The following PKD1 variants were observed in gnomAD, a reference collection of about 807,000 sequenced individuals.
PKD1 encodes polycystin-1.
PKD1 carries 81 observed loss-of-function variants against 361.7 expected under a neutral mutation model. The observed-to-expected ratio is 0.22, with a 90% CI of 0.19 to 0.27. The LOEUF is 0.27. PKD1 is among the 10% of genes least tolerant of loss of function. The pLI is 1.00. For missense variants in PKD1, 6,399 were observed against 6,118.3 expected (o/e 1.05, Z -1.53); for synonymous variants, 3,615 against 2,818.3 (o/e 1.28, Z -8.95).
rs1191413154 is a variant in PKD1, at chr16:2,092,601, G to C, written c.11157-9C>G. The stretch of plus-strand genomic sequence containing the variant: ...GCCAGAGCTCCTCAGACCTGCCACA[G>C]CATCAGTCACACGCTCCAGCCCCTA... On this transcript the variant is annotated splice_polypyrimidine_tract_variant and intron_variant, in intron 38 of 45. Coordinates refer to ENST00000262304, the MANE Select transcript of PKD1 (RefSeq NM_001009944.3). 63 of 1,585,982 alleles carry C rather than the reference G, an allele frequency of 4.0e-5. No individual in the cohort carries two copies. Among genetic ancestry groups the C allele is most frequent in the Non-Finnish European group, 5.1e-5 (59 of 1,157,140 alleles).
chr16:2,103,895 C>T lies in PKD1; in HGVS notation c.8162G>A (p.Gly2721Glu), dbSNP rs1460053311. ...AIGDSILNIT[G>E]DLIHLASSDV... ...CGAGCTGGCCAGGTGGATGAGGTCTCCTGCAGACATGCGTGAGGTCAGTGC... is the reference window on the plus strand; with the variant it reads ...CGAGCTGGCCAGGTGGATGAGGTCTTCTGCAGACATGCGTGAGGTCAGTGC... The change falls in exon 23 of 46, where the codon GGA becomes GAA. Residue 2721 changes from glycine to glutamate, a missense_variant and splice_region_variant. By Grantham distance (98) the Gly-to-Glu change is moderately conservative. Transcript: ENST00000262304. The T allele has an allele frequency of 7.0e-6, 11 of 1,580,710 alleles. No individual in the cohort carries two copies. In the African/African-American group the frequency reaches 8.9e-5, roughly 13 times the overall value.
chr16:2,119,765 T>C (rs1596594736), intron 1 of PKD1: 2 of 656,040 alleles, frequency 3.0e-6, no homozygotes, highest in Admixed American at 4.5e-5. Context: ...CCACACAGAC[T>C]CGAGGGGCCC....
chr16:2,105,638 G>A (rs2092311375), intron 20 of PKD1, 164 bp from the exon 21 acceptor site: 12 of 1,519,778 alleles, frequency 7.9e-6, no homozygotes, highest in African/African-American at 2.7e-5. Flanking sequence ...AACAGGGTAA[G>A]CACATGGGCC....
intron 22 of PKD1, among the ~76,000 whole-genome samples, chr16:2,104,232 GAAGAT>G (rs2092237801): frequency 2.5e-5 from 1 of 40,044 alleles, no homozygotes; most frequent in Non-Finnish European, 4.8e-5. Flanking sequence ...GGGGGATGAG[GAAGAT>G]GAGGGGAATG....
rs757619679 is a variant in PKD1, at chr16:2,106,124, T to C, written c.7670A>G (p.Asp2557Gly). The C allele has an allele frequency of 1.5e-5, 24 of 1,605,326 alleles. No individual in the cohort carries two copies. In the East Asian group the frequency reaches 5.4e-4, roughly 36 times the overall value. ...GGCGACCACAGCGGCTCCCAGCTGG[T>C]CCTGCACCACCACGGCCAGGCCCAC... ...FEVGLAVVVQDQLGAAVVALN... is the reference protein window; with the variant it reads ...FEVGLAVVVQGQLGAAVVALN... The change falls in exon 19 of 46, where the codon GAC (aspartate) becomes GGC (glycine). Residue 2557 changes from aspartate (D) to glycine (G), a missense_variant. By Grantham distance (94) the Asp-to-Gly change is moderately conservative (BLOSUM62 -1). Transcript: ENST00000262304. The surrounding 1 kb of genome is among the most constrained non-coding windows in gnomAD (Gnocchi z 6.5).
Position 2,097,393 on chromosome 16 carries a change from T to C in PKD1, c.10331A>G (p.His3444Arg), listed in dbSNP as rs1415478229. ...GCCGTCCTCCTCTGGGCCCAGCCCA[T>C]GGCCCGCCTGGCCCCGTGCCAGCTG... ...LRQLARGQAG[H>R]GLGPEEDGFS... Residue 3444 changes from histidine (H) to arginine (R), a missense_variant, in exon 33 of 46, where the codon CAT (histidine) becomes CGT (arginine). Transcript: ENST00000262304. 4 of 1,610,580 alleles carry C rather than the reference T, an allele frequency of 2.5e-6. No individual in the cohort carries two copies. The highest frequency in any genetic ancestry group is 1.7e-5 in the Admixed American group (1 of 59,970).
intron 34 of PKD1, among the ~76,000 whole-genome samples, chr16:2,095,881 T>G (rs1196372417): frequency 6.6e-6 from 1 of 152,144 alleles, no homozygotes; most frequent in Non-Finnish European, 1.5e-5. Context: ...CTGGTCAGCA[T>G]GTAGTGACTA....
In PKD1 at chr16:2,112,418, C is replaced by A; in HGVS notation, c.3217G>T (p.Glu1073Ter). Residue 1073 changes from glutamate (E) to a stop codon, truncating the protein, a stop_gained, in exon 14 of 46, where the codon GAG becomes TAG. Transcript: ENST00000262304. LOFTEE classifies it high-confidence loss of function. ...GAGGGGTCTGGAACCGGGAAGGACT[C>A]GTTGTACGGAGGCTGGAACTGGTGG... Reference protein sequence around the residue: ...ALHQFQPPYNESFPVPDPSVA... With the variant: ...ALHQFQPPYN 6.3e-7 allele frequency: 1 copy of A among 1,585,068 alleles called. No homozygotes were observed. Among genetic ancestry groups the A allele is most frequent in the Non-Finnish European group, 8.5e-7 (1 of 1,172,358 alleles).
In PKD1 at chr16:2,108,660, C is replaced by T; in HGVS notation, c.6507G>A (p.Leu2169=). ...VLMRRSQRNY[L]EAHVDLRDCV... ...AGTCGCGCAGGTCAACGTGGGCCTCCAAGTAGTTGCGCTGTGATCGCCGCA... is the reference window on the plus strand; with the variant it reads ...AGTCGCGCAGGTCAACGTGGGCCTCTAAGTAGTTGCGCTGTGATCGCCGCA... The change falls in exon 15 of 46, where the codon TTG becomes TTA. Residue 2169 remains leucine (L), a synonymous_variant. Transcript: ENST00000262304. The T allele has an allele frequency of 6.4e-7, 1 of 1,564,534 alleles. No homozygotes were observed.
At position 2,103,228 on chromosome 16, in the gene PKD1, G is replaced by A. The variant is rs542685557; in HGVS notation, c.8791+38C>T. 122 of 1,602,866 alleles carry A rather than the reference G, an allele frequency of 7.6e-5. 4 individuals are homozygous for A. In the South Asian group the frequency reaches 1.2e-3, roughly 16 times the overall value. On this transcript the variant is annotated intron_variant, in intron 23 of 45. Coordinates refer to ENST00000262304, the MANE Select transcript of PKD1 (RefSeq NM_001009944.3). ...AGAAACGCCTTCCCCCCAAGAACAA[G>A]GCCAGGGGGCCGCGTGTGCCCCACC... is the stretch of plus-strand genomic sequence containing the variant.
Position 2,105,391 on chromosome 16 carries a change from A to T in PKD1, c.7947T>A (p.Thr2649=). 6.3e-7 allele frequency: 1 copy of T among 1,585,888 alleles called. No homozygotes were observed. The highest frequency in any genetic ancestry group is 8.5e-7 in the Non-Finnish European group (1 of 1,172,020). Residue 2649 remains threonine, a synonymous_variant, in exon 21 of 46, where the codon ACT becomes ACA. Transcript: ENST00000262304. ...RAQIRKNITE[T]LVSLRVHTVD... Reference sequence around the variant, plus strand: ...CAGTGTGGACCCTCAGGGACACCAGAGTCTCCGTGATGTTCTTGCGTATCT... The same window carrying T: ...CAGTGTGGACCCTCAGGGACACCAGTGTCTCCGTGATGTTCTTGCGTATCT...
At position 2,097,850 on chromosome 16, in the gene PKD1, C is replaced by T. The variant is rs748565516; in HGVS notation, c.10167+18G>A. ...CAGGACCCCCAGCCCAGCCCAGGAC[C>T]CCCAGTAGAGTCCTCACCTCAGCGT... On this transcript the variant is annotated intron_variant, in intron 31 of 45. Coordinates refer to ENST00000262304, the MANE Select transcript of PKD1 (RefSeq NM_001009944.3). 6.2e-6 allele frequency: 10 copies of T among 1,606,210 alleles called. No homozygotes were observed. The highest frequency in any genetic ancestry group is 1.1e-5 in the South Asian group (1 of 90,910).
At position 2,108,395 on chromosome 16, in the gene PKD1, G is replaced by A. The variant is rs2092415013; in HGVS notation, c.6772C>T (p.Pro2258Ser). ...CGGTATGAGCCACCCTCAATGATGG[G>A]CACCAGGCGCTCGGGGGCCACCGTC... is the stretch of plus-strand genomic sequence containing the variant. The part of the protein sequence containing the change: ...NVTVAPERLV[P>S]IIEGGSYRVW... Residue 2258 changes from proline (P) to serine (S), a missense_variant, in exon 15 of 46, where the codon CCC becomes TCC. Pro to Ser is a moderately conservative substitution (Grantham distance 74). Transcript: ENST00000262304. 3 of 1,610,464 alleles carry A rather than the reference G, an allele frequency of 1.9e-6. No individual in the cohort carries two copies. The highest frequency in any genetic ancestry group is 1.7e-5 in the Admixed American group (1 of 60,000).
Position 2,098,375 on chromosome 16 carries a change from AT to A in PKD1, c.10051-392del, listed in dbSNP as rs1245941343. On this transcript the variant is annotated intron_variant, in intron 30 of 45. Transcript: ENST00000262304. ...AGGTGCCTGCCACCATGCCCAGCTA[AT>A]TTTTTGTATTTTTAGTAGAGACGGG... Among the ~76,000 whole-genome samples the A allele has an allele frequency of 2.6e-5, 4 of 151,452 alleles. No individual in the cohort carries two copies. The East Asian group carries it at 7.8e-4, about 30-fold the overall frequency.
chr16:2,088,897 A>T lies in PKD1; in HGVS notation c.*830T>A, dbSNP rs2091282628. ...TGCGCGCGCGCACACACACACACAC[A>T]CAGTCACCTTCCTCCACCCTGGGAG... is the stretch of plus-strand genomic sequence containing the variant. On this transcript the variant is annotated 3_prime_UTR_variant, in exon 46 of 46. Coordinates refer to ENST00000262304, the MANE Select transcript of PKD1 (RefSeq NM_001009944.3). 2.3e-6 allele frequency: 1 copy of T among 426,030 alleles called. No homozygotes were observed. The highest frequency in any genetic ancestry group is 4.3e-6 in the Non-Finnish European group (1 of 231,104). 26.4% of individuals were successfully genotyped at this position (426,030 alleles called of 1,614,324 possible).
chr16:2,123,323 C>A (rs1458839411), intron 1 of PKD1: 1 of 343,936 alleles, frequency 2.9e-6, no homozygotes, highest in African/African-American at 2.2e-5. Flanking sequence ...CAGGTGCAGT[C>A]CCCCAGCCCC....
At position 2,105,993 on chromosome 16, in the gene PKD1, C is replaced by T. The variant is rs771135962; in HGVS notation, c.7735G>A (p.Gly2579Ser). The T allele has an allele frequency of 2.2e-5, 36 of 1,604,018 alleles. No individual in the cohort carries two copies. Among genetic ancestry groups the T allele is most frequent in the South Asian group, 8.8e-5 (8 of 90,996 alleles). ...CAGACTGTGAGCCCCGTTGCGCTGC[C>T]GTTGGGCTCTGGGAGGGTGATGGCC... is the stretch of plus-strand genomic sequence containing the variant. ...SLAITLPEPN[G>S]SATGLTVWLH... is the part of the protein sequence containing the mutation. Residue 2579 changes from glycine (G) to serine (S), a missense_variant, in exon 20 of 46, where the codon GGC (glycine) becomes AGC (serine). By Grantham distance (56) the Gly-to-Ser change is moderately conservative. Coordinates refer to ENST00000262304, the MANE Select transcript of PKD1 (RefSeq NM_001009944.3).
chr16:2,089,848 G>C lies in PKD1; in HGVS notation c.12791C>G (p.Pro4264Arg), dbSNP rs752085023. 14 of 1,606,924 alleles carry C rather than the reference G, an allele frequency of 8.7e-6. No individual in the cohort carries two copies. The highest frequency in any genetic ancestry group is 1.2e-5 in the Non-Finnish European group (14 of 1,177,610). ...GCTGGGCAGTGCTGGCCGCAGGCCC[G>C]GGGATGGGCCACGGGAAGATCCGGC... ...APAGSSRGPS[P>R]GLRPALPSRL... Residue 4264 changes from proline to arginine, a missense_variant, in exon 46 of 46, where the codon CCG becomes CGG. Physicochemically the swap from Pro to Arg is moderately radical, Grantham distance 103 (BLOSUM62 -2). Coordinates refer to ENST00000262304, the MANE Select transcript of PKD1 (RefSeq NM_001009944.3).
At chr16:2,102,749 T>G in intron 24 of PKD1, 65 bp downstream of exon 24, 1 of 1,603,030 alleles carries the variant, frequency 6.2e-7, no homozygotes, top group Middle Eastern at 2.3e-4. Flanking sequence ...ATGGGGCCAG[T>G]AACCCAGGCA....
Sources: gnomAD v4.1 joint callset for allele counts (sites outside exome capture counted in the v4.1 genomes callset) on GRCh38, gnomAD v4.1.1 for gene constraint, Gnocchi (gnomAD v3.1) non-coding constraint, MANE v1.5 for transcripts, NCBI Gene and HGNC (gene_info 2026-07-23, HGNC 2026-07-21) for gene names.